Variants in ZNF33B observed in about 807,000 individuals in gnomAD.
ZNF33B encodes zinc finger protein 33B, also known as zinc finger protein 11b (KOX 2).
Under a neutral mutation model 45.8 loss-of-function variants are expected in ZNF33B, and 29 were observed. The observed-to-expected ratio is 0.63, with a 90% CI of 0.47 to 0.86. The LOEUF is 0.86. ZNF33B is among the 40% of genes least tolerant of loss of function. ZNF33B has a pLI of 0.00. For synonymous variants in ZNF33B, 305 were observed against 307.8 expected, an observed-to-expected ratio of 0.99 and a Z score of 0.10; for missense variants, 831 against 909.9, an observed-to-expected ratio of 0.91 and a Z score of 1.12.
chr10:42,624,089 A>G (rs1213763302), intron 4 of ZNF33B, among the ~76,000 whole-genome samples: 1 of 152,210 alleles, frequency 6.6e-6, no homozygotes, highest in East Asian at 1.9e-4. Flanking sequence ...GCAGTTGGCC[A>G]CTGCATGTTC....
chr10:42,575,256 C>A (rs1159820316), intron 1 of ZNF33B, among the ~76,000 whole-genome samples: 1 of 151,984 alleles, frequency 6.6e-6, no homozygotes, highest in Non-Finnish European at 1.5e-5. Flanking sequence ...TAATGTGGCG[C>A]GTGGAGGTGG....
chr10:42,629,730 T>C (rs1301155392), intron 4 of ZNF33B, among the ~76,000 whole-genome samples: 1 of 152,210 alleles, frequency 6.6e-6, no homozygotes, highest in Non-Finnish European at 1.5e-5. Flanking sequence ...CTGTTTTCTA[T>C]TCATCTGTTC....
downstream of ZNF33B, among the ~76,000 whole-genome samples, chr10:42,584,171 C>T (rs975891358): frequency 2.0e-5 from 3 of 152,234 alleles, no homozygotes; most frequent in African/African-American, 7.2e-5. Flanking sequence ...CCTCTCAGGA[C>T]CCATGTGTCA....
At position 42,575,984 on chromosome 10, in the gene ZNF33B, G is replaced by A. The variant is rs71505623; in HGVS notation, c.74-1306C>T. Among the ~76,000 whole-genome samples, 220 of 151,734 alleles carry A rather than the reference G, an allele frequency of 1.4e-3. 1 individual carries two copies. The highest frequency in any genetic ancestry group is 2.5e-3 in the Non-Finnish European group (169 of 67,968). On this transcript the variant is annotated intron_variant, in intron 1 of 1. Coordinates refer to the ZNF33B transcript ENST00000462075. The stretch of plus-strand genomic sequence containing the variant: ...CTCAGCTCATGCAACTTCCGCCTCC[G>A]GGTTCAAGCAATTCTCCTGCCTCAG...
chr10:42,583,384 T>A (rs1468752615), intron 1 of ZNF33B: 6 of 362,478 alleles, frequency 1.7e-5, no homozygotes, highest in Non-Finnish European at 2.7e-5. Context: ...TCTAGGTAAG[T>A]TTTCTGTCTG....
rs998978359 is a variant in ZNF33B at position 42,637,062 on chromosome 10, C to T, written c.-44-90G>A. 5 of 1,270,332 alleles carry T rather than the reference C, an allele frequency of 3.9e-6. No homozygotes were observed. In the Admixed American group the frequency reaches 9.7e-5, roughly 25 times the overall value. 78.7% of individuals were successfully genotyped at this position (1,270,332 alleles called of 1,614,324 possible). A position where few individuals can be genotyped will look rare whatever the true frequency, so the allele number is the denominator to read the frequency against. ...TCTGCCCTAAGAAGCCATACACACC[C>T]ACTAGGTAAAATGCTCCGTCTGGGA... On this transcript the variant is annotated intron_variant, in intron 1 of 4. Coordinates refer to ENST00000359467, the MANE Select transcript of ZNF33B (RefSeq NM_006955.3).
intron 2 of ZNF33B, 50 bp from the exon 3 acceptor site, chr10:42,632,489 C>T (rs1554825872): frequency 3.8e-6 from 6 of 1,575,760 alleles, no homozygotes; most frequent in South Asian, 1.2e-5. Context: ...TGGGCTAATC[C>T]TTACCATGAT....
At chr10:42,623,355 T>C (rs180993295) in intron 4 of ZNF33B, among the ~76,000 whole-genome samples, 15 of 152,344 alleles carry the variant, frequency 9.8e-5, no homozygotes, top group Admixed American at 3.9e-4. Context: ...AAAACAATTC[T>C]ACTCCTAGGT....
At chr10:42,588,639 G>A (rs183038787), downstream of ZNF33B, among the ~76,000 whole-genome samples, 779 of 152,266 alleles carry the variant, frequency 5.1e-3, 1 homozygote, top group Non-Finnish European at 6.8e-3. Context: ...ACCACATGCC[G>A]GGCAGAGCCA....
Position 42,594,330 on chromosome 10 carries a change from A to G in ZNF33B, c.620T>C (p.Leu207Ser), listed in dbSNP as rs1283775332. 6.2e-7 allele frequency: 1 copy of G among 1,613,818 alleles called. No homozygotes were observed. The highest frequency in any genetic ancestry group is 8.5e-7 in the Non-Finnish European group (1 of 1,179,918). Residue 207 changes from leucine (L) to serine (S), a missense_variant, in exon 5 of 5, where the codon TTG (leucine) becomes TCG (serine). Coordinates refer to ENST00000359467, the MANE Select transcript of ZNF33B (RefSeq NM_006955.3). The part of the protein sequence containing the change: ...RNTLSHRENT[L>S]QHEKIQTLDH... ...TAAAGTTTGAATCTTCTCATGCTGC[A>G]AAGTGTTCTCACGATGACTCAGAGT...
intron 1 of ZNF33B, chr10:42,582,310 C>T (rs1836843269): frequency 6.6e-6 from 1 of 152,150 alleles, no homozygotes; most frequent in Non-Finnish European, 1.5e-5. Flanking sequence ...GCAGTAAGTA[C>T]TGGTAATTAG....
chr10:42,579,945 A>G (rs1469396988), intron 1 of ZNF33B: 1 of 154,362 alleles, frequency 6.5e-6, no homozygotes, highest in Admixed American at 6.5e-5. Flanking sequence ...CCATGTTAAG[A>G]ATGAACTGAA....
rs1223487272 is a variant in ZNF33B, at chr10:42,594,656, A to AT, written c.293dup (p.Asn98LysfsTer4). The AT allele has an allele frequency of 6.3e-7, 1 of 1,598,716 alleles. No individual in the cohort carries two copies. The highest frequency in any genetic ancestry group is 8.5e-7 in the Non-Finnish European group (1 of 1,174,894). ...CAACTTCCCACAAATGTTTAGATTG[A>AT]TTTTCTTGGCTCCTCTCTTTCAGGT... On this transcript the variant is annotated frameshift_variant, in exon 5 of 5. Coordinates refer to ENST00000359467, the MANE Select transcript of ZNF33B (RefSeq NM_006955.3). LOFTEE classifies it low-confidence loss of function (END_TRUNC).
chr10:42,614,082 A>G (rs1013962176), intron 4 of ZNF33B, among the ~76,000 whole-genome samples: 2 of 152,250 alleles, frequency 1.3e-5, no homozygotes, highest in African/African-American at 4.8e-5. Flanking sequence ...ATGTAACTTT[A>G]TAGTGGACAA....
chr10:42,621,447 T>A (rs1040749144), intron 4 of ZNF33B, among the ~76,000 whole-genome samples: 3 of 151,856 alleles, frequency 2.0e-5, no homozygotes, highest in African/African-American at 7.3e-5. Context: ...ATATATTTAA[T>A]GGTATATTAA....
At chr10:42,613,205 T>C (rs1838172323) in intron 4 of ZNF33B, among the ~76,000 whole-genome samples, 1 of 152,160 alleles carries the variant, frequency 6.6e-6, no homozygotes, top group African/African-American at 2.4e-5. Flanking sequence ...TGGGTATGAT[T>C]AACAATTCTG....
intron 4 of ZNF33B, 86 bp downstream of exon 4, chr10:42,631,843 A>C: frequency 8.8e-7 from 1 of 1,140,682 alleles, no homozygotes; most frequent in Non-Finnish European, 1.3e-6. Flanking sequence ...TTCTTGAAAA[A>C]TGTTCCAAAG....
chr10:42,630,082 A>G (rs1564527032), intron 4 of ZNF33B, among the ~76,000 whole-genome samples: 1 of 152,062 alleles, frequency 6.6e-6, no homozygotes, highest in Non-Finnish European at 1.5e-5. Context: ...CCAACCTCCA[A>G]TCTTCTTTCT....
chr10:42,610,056 C>T (rs1205085145), intron 4 of ZNF33B, among the ~76,000 whole-genome samples: 2 of 151,438 alleles, frequency 1.3e-5, no homozygotes, highest in African/African-American at 4.9e-5. Context: ...GTAGTCAACA[C>T]AAGCAAGGGG....
Sources: allele counts gnomAD v4.1 joint callset (sites outside exome capture counted in the v4.1 genomes callset), GRCh38; gene constraint gnomAD v4.1.1; transcripts MANE v1.5; gene names NCBI Gene and HGNC (gene_info 2026-07-23, HGNC 2026-07-21).